The following VTI1A variants were observed in gnomAD, a reference collection of about 807,000 sequenced individuals.
The protein encoded by VTI1A is vesicle transport through interaction with t-SNAREs 1A.
A neutral mutation model predicts 34.9 loss-of-function variants in VTI1A; 22 were observed. The ratio of observed to expected loss-of-function variants is 0.63; its 90% confidence interval spans 0.45 to 0.90. The LOEUF (loss-of-function observed/expected upper bound fraction) is 0.90, where lower values mean the gene tolerates loss of function less well. Among genes scored for constraint, VTI1A ranks in the 40% least tolerant of loss-of-function variants. The pLI, the probability that VTI1A is intolerant of heterozygous loss-of-function variation, is 0.00. For missense variants in VTI1A, 268 were observed against 275.6 expected, an observed-to-expected ratio of 0.97 and a Z score of 0.20; for synonymous variants, 87 against 97.3, an observed-to-expected ratio of 0.89 and a Z score of 0.62.
At chr10:112,708,597 A>G (rs1232888120) in intron 7 of VTI1A, among the ~76,000 whole-genome samples, 4 of 152,220 alleles carry the variant, frequency 2.6e-5, no homozygotes, top group Admixed American at 2.6e-4. Flanking sequence ...TTGTAAAGGA[A>G]TGTGTTCTGC....
At chr10:112,576,554 A>T (rs1459761689) in intron 5 of VTI1A, among the ~76,000 whole-genome samples, 1 of 152,242 alleles carries the variant, frequency 6.6e-6, no homozygotes, top group Non-Finnish European at 1.5e-5. Flanking sequence ...TTTTAAATAT[A>T]TTCTTGGAAT....
At chr10:112,810,502 C>T (rs989334233) in intron 7 of VTI1A, among the ~76,000 whole-genome samples, 1 of 151,882 alleles carries the variant, frequency 6.6e-6, no homozygotes, top group African/African-American at 2.4e-5. Context: ...CTTAGGTTGG[C>T]TTCCCTCAAT....
the VTI1A span, chr10:112,831,565 G>A: frequency 4.6e-5 from 7 of 152,146 alleles, no homozygotes; most frequent in South Asian, 4.1e-4. Context: ...GTTTGGATGC[G>A]TAGCACAATG....
intron 7 of VTI1A, among the ~76,000 whole-genome samples, chr10:112,689,871 T>C (rs1178029853): frequency 1.3e-5 from 2 of 152,174 alleles, no homozygotes; most frequent in African/African-American, 2.4e-5. Flanking sequence ...CATCAAGATA[T>C]AGAACAGTTC....
intron 7 of VTI1A, among the ~76,000 whole-genome samples, chr10:112,682,918 G>C (rs1470087164): frequency 1.3e-5 from 2 of 152,198 alleles, no homozygotes; most frequent in African/African-American, 4.8e-5. Context: ...TGGCTGGAGG[G>C]GGTGCCATTC....
At chr10:112,727,498 A>G (rs1010700681) in intron 7 of VTI1A, among the ~76,000 whole-genome samples, 4 of 152,200 alleles carry the variant, frequency 2.6e-5, no homozygotes, top group Admixed American at 6.5e-5. Context: ...ATAGGAAATA[A>G]ATTATAAGCA....
At chr10:112,539,730 A>G (rs139008984) in intron 5 of VTI1A, among the ~76,000 whole-genome samples, 1 of 152,264 alleles carries the variant, frequency 6.6e-6, no homozygotes, top group East Asian at 1.9e-4. Context: ...AATAACATGG[A>G]AATAATATTG....
chr10:112,770,437 C>A (rs1171044933), intron 7 of VTI1A, among the ~76,000 whole-genome samples: 2 of 151,656 alleles, frequency 1.3e-5, no homozygotes, highest in Non-Finnish European at 2.9e-5. Flanking sequence ...GCTCTGTCAC[C>A]CAGGCTGGAG....
At chr10:112,736,111 G>GTGTATATATATATATATATATATATA (rs778802494) in intron 7 of VTI1A, among the ~76,000 whole-genome samples, 1 of 116,224 alleles carries the variant, frequency 8.6e-6, no homozygotes, top group African/African-American at 3.7e-5. Context: ...ATGTGTGTGT[G>GTGTATATATATATATATATATATATA]TATATATATA....
At chr10:112,505,454 C>T (rs138894009) in intron 3 of VTI1A, among the ~76,000 whole-genome samples, 231 of 152,136 alleles carry the variant, frequency 1.5e-3, no homozygotes, top group African/African-American at 5.1e-3. Flanking sequence ...TCTTCCCTTC[C>T]AATTTTATGC....
chr10:112,556,483 A>G (rs1851549446), intron 5 of VTI1A, among the ~76,000 whole-genome samples: 1 of 152,020 alleles, frequency 6.6e-6, no homozygotes, highest in Admixed American at 6.6e-5. Context: ...AGTGATTTAA[A>G]TCTGTTCTAG....
At chr10:112,791,680 AC>A (rs1564927138) in intron 7 of VTI1A, among the ~76,000 whole-genome samples, 1 of 152,190 alleles carries the variant, frequency 6.6e-6, no homozygotes, top group East Asian at 1.9e-4. Flanking sequence ...CTTGTTTTAT[AC>A]ATTTCCACAA....
chr10:112,793,357 A>G (rs1241409750), intron 7 of VTI1A, among the ~76,000 whole-genome samples: 1 of 152,218 alleles, frequency 6.6e-6, no homozygotes, highest in East Asian at 1.9e-4. Context: ...ATTTCCTATC[A>G]GTGCATGTTA....
rs1851829668 is a variant in VTI1A, at chr10:112,564,297, CA to C, written c.427+25971del. On this transcript the variant is annotated intron_variant, in intron 5 of 7. Coordinates refer to ENST00000393077, the MANE Select transcript of VTI1A (RefSeq NM_145206.4). Reference sequence around the variant, plus strand: ...CAGCGCGTTGTTGATTTCTTTATAACAAAAGCAATAGAAAGAAAAGATGAAG... The same window carrying C: ...CAGCGCGTTGTTGATTTCTTTATAACAAAGCAATAGAAAGAAAAGATGAAG... Among the ~76,000 whole-genome samples, 3 of 150,872 alleles carry C rather than the reference CA, an allele frequency of 2.0e-5. No individual in the cohort carries two copies. In the South Asian group the frequency reaches 6.5e-4, roughly 33 times the overall value.
intron 7 of VTI1A, among the ~76,000 whole-genome samples, chr10:112,725,511 A>G (rs919764616): frequency 7.2e-5 from 11 of 152,358 alleles, no homozygotes; most frequent in East Asian, 3.9e-4. Flanking sequence ...TTCATCCATT[A>G]TGAAGTTCTC....
At chr10:112,456,239 G>T (rs1847519121) in intron 1 of VTI1A, among the ~76,000 whole-genome samples, 1 of 152,026 alleles carries the variant, frequency 6.6e-6, no homozygotes, top group South Asian at 2.1e-4. Flanking sequence ...TGACCAACAT[G>T]GTGAAACCTC....
At chr10:112,756,924 T>C (rs1851301335) in intron 7 of VTI1A, among the ~76,000 whole-genome samples, 1 of 151,776 alleles carries the variant, frequency 6.6e-6, no homozygotes, top group Admixed American at 6.6e-5. Context: ...GGTGTGCCTG[T>C]AGTCCCAGCT....
At chr10:112,664,953 C>T (rs1392843073) in intron 5 of VTI1A, among the ~76,000 whole-genome samples, 3 of 152,230 alleles carry the variant, frequency 2.0e-5, no homozygotes, top group East Asian at 3.9e-4. Context: ...AGAAGACCCT[C>T]GCAGTCAACA....
At chr10:112,458,768 G>A (rs909317668) in intron 1 of VTI1A, among the ~76,000 whole-genome samples, 2 of 151,930 alleles carry the variant, frequency 1.3e-5, no homozygotes, top group Admixed American at 6.6e-5. Context: ...CCGGGTTCAA[G>A]CAATTCTCCT....
Sources: gnomAD v4.1 joint callset for allele counts (sites outside exome capture counted in the v4.1 genomes callset) on GRCh38, gnomAD v4.1.1 for gene constraint, MANE v1.5 for transcripts, NCBI Gene and HGNC (gene_info 2026-07-23, HGNC 2026-07-21) for gene names.